The following SEMA3D variants were observed in gnomAD, a reference collection of about 807,000 sequenced individuals.
The protein encoded by SEMA3D is semaphorin 3D.
Under a neutral mutation model 100.1 loss-of-function variants are expected in SEMA3D, and 84 were observed. That is an observed-to-expected ratio of 0.84 (90% CI 0.70 to 1.01). SEMA3D has a LOEUF of 1.01. Among genes scored for constraint, SEMA3D ranks in the 50% least tolerant of loss-of-function variants. SEMA3D has a pLI of 0.00. For missense variants in SEMA3D, 875 were observed against 934.1 expected (o/e 0.94, Z 0.82); for synonymous variants, 312 against 320.7 (o/e 0.97, Z 0.29).
At chr7:85,064,127 A>C (rs1482165489) in intron 8 of SEMA3D, among the ~76,000 whole-genome samples, 1 of 152,220 alleles carries the variant, frequency 6.6e-6, no homozygotes, top group East Asian at 1.9e-4. Flanking sequence ...ATGTTACAGT[A>C]ATGGAAAAAA....
At chr7:85,215,486 C>T in the SEMA3D span, among the ~76,000 whole-genome samples, 1 of 152,022 alleles carries the variant, frequency 6.6e-6, no homozygotes, top group Admixed American at 6.6e-5. Flanking sequence ...TATGCCCTCC[C>T]CAAAACAAGA....
At chr7:85,219,865 T>C in the SEMA3D span, among the ~76,000 whole-genome samples, 1 of 152,068 alleles carries the variant, frequency 6.6e-6, no homozygotes, top group Non-Finnish European at 1.5e-5. Flanking sequence ...GTGAAGTGTT[T>C]TGAGTTATAG....
At chr7:85,222,138 T>C in the SEMA3D span, among the ~76,000 whole-genome samples, 1 of 152,272 alleles carries the variant, frequency 6.6e-6, no homozygotes, top group Admixed American at 6.6e-5. Context: ...TGAAAGTCTT[T>C]ATCTCTTGCA....
At chr7:85,034,826 TAAG>T (rs1441631797) in intron 12 of SEMA3D, among the ~76,000 whole-genome samples, 1 of 151,998 alleles carries the variant, frequency 6.6e-6, no homozygotes, top group East Asian at 1.9e-4. Flanking sequence ...AGATGAGTAT[TAAG>T]GAGGATGTGG....
chr7:85,237,346 A>G, the SEMA3D span, among the ~76,000 whole-genome samples: 1 of 152,168 alleles, frequency 6.6e-6, no homozygotes, highest in Admixed American at 6.5e-5. Context: ...CGTACATTCT[A>G]TGGATTTAGA....
intron 12 of SEMA3D, among the ~76,000 whole-genome samples, chr7:85,033,671 A>G (rs1433907030): frequency 6.6e-6 from 1 of 152,100 alleles, no homozygotes; most frequent in Non-Finnish European, 1.5e-5. Context: ...TAATTGAAAA[A>G]TAATATGGCC....
intron 8 of SEMA3D, among the ~76,000 whole-genome samples, chr7:85,057,385 T>C (rs538295090): frequency 2.2e-4 from 33 of 151,966 alleles, no homozygotes; most frequent in Admixed American, 7.2e-4. Flanking sequence ...AATTAGAAAA[T>C]ATGTGGCACC....
At chr7:85,084,441 C>G (rs1187026697) in intron 4 of SEMA3D, among the ~76,000 whole-genome samples, 1 of 152,092 alleles carries the variant, frequency 6.6e-6, no homozygotes, top group African/African-American at 2.4e-5. Context: ...AGTGATTTTA[C>G]AAAGGACAAC....
chr7:85,156,696 C>T (rs968159464), intron 1 of SEMA3D, among the ~76,000 whole-genome samples: 3 of 152,034 alleles, frequency 2.0e-5, no homozygotes, highest in Admixed American at 2.0e-4. Flanking sequence ...TCATGAAATA[C>T]AGAGGACACA....
chr7:85,073,129 G>C, intron 5 of SEMA3D, 48 bp from the exon 6 acceptor site: 1 of 1,569,422 alleles, frequency 6.4e-7, no homozygotes, highest in Non-Finnish European at 8.7e-7. Context: ...TCAGGTTTTT[G>C]AAATATTATC....
chr7:85,216,357 T>TTGTG, the SEMA3D span, among the ~76,000 whole-genome samples: 9,764 of 146,190 alleles, frequency 0.067, 598 homozygotes, highest in African/African-American at 0.17. Flanking sequence ...AATAAGAGTG[T>TTGTG]TGTGTGTGTG....
chr7:85,138,738 C>T (rs1024389484), intron 2 of SEMA3D, among the ~76,000 whole-genome samples: 2 of 150,506 alleles, frequency 1.3e-5, no homozygotes, highest in South Asian at 2.1e-4. Context: ...TAGGTATACA[C>T]GTGCCATGGT....
intron 18 of SEMA3D, among the ~76,000 whole-genome samples, chr7:85,005,897 ACTAT>A (rs1390964639): frequency 2.6e-5 from 4 of 152,048 alleles, no homozygotes; most frequent in African/African-American, 9.7e-5. Flanking sequence ...AATTACATGT[ACTAT>A]TTTAAATGTT....
chr7:85,033,603 T>C (rs1465470392), intron 12 of SEMA3D, among the ~76,000 whole-genome samples: 1 of 152,126 alleles, frequency 6.6e-6, no homozygotes, highest in Non-Finnish European at 1.5e-5. Context: ...TAATTTGTTG[T>C]TGTTGTAATT....
the SEMA3D span, among the ~76,000 whole-genome samples, chr7:85,192,305 G>A: frequency 1.3e-5 from 2 of 151,882 alleles, no homozygotes; most frequent in African/African-American, 4.8e-5. Context: ...AATGTCAAAG[G>A]CTTAAAACAA....
rs528275014 is a variant in SEMA3D, at chr7:84,999,231, T to C, written c.*209A>G. ...TATTTTTAGGATAATTCTTATACTT[T>C]GCTTGTGCAAGATTTGTTCTTGGAA... On this transcript the variant is annotated 3_prime_UTR_variant, in exon 19 of 19. Coordinates refer to ENST00000284136, the MANE Select transcript of SEMA3D (RefSeq NM_001384900.1). 12 of 564,510 alleles carry C rather than the reference T, an allele frequency of 2.1e-5. No homozygotes were observed. The highest frequency in any genetic ancestry group is 7.5e-5 in the African/African-American group (4 of 53,486). The allele number at this position is 564,510 out of a possible 1,614,324, so 35.0% of individuals were successfully genotyped here. A position where few individuals can be genotyped will look rare whatever the true frequency, so the allele number is the denominator to read the frequency against.
chr7:85,054,154 C>T lies in SEMA3D; in HGVS notation c.861+1563G>A, dbSNP rs150613922. 3.8e-3 allele frequency among the ~76,000 whole-genome samples: 581 copies of T among 152,086 alleles called. 2 individuals carry two copies. Among genetic ancestry groups the T allele is most frequent in the African/African-American group, 0.013 (557 of 41,536 alleles). ...ATATTTATACTAGGGTAAGACATTACTTTGTTACAAATACATTTCTATTAA... is the reference window on the plus strand; with the variant it reads ...ATATTTATACTAGGGTAAGACATTATTTTGTTACAAATACATTTCTATTAA... On this transcript the variant is annotated intron_variant, in intron 9 of 18. Transcript: ENST00000284136.
chr7:85,225,150 A>G, the SEMA3D span, among the ~76,000 whole-genome samples: 7 of 138,130 alleles, frequency 5.1e-5, no homozygotes, highest in African/African-American at 1.6e-4. Context: ...TATAAAATAC[A>G]TATATATAAT....
intron 13 of SEMA3D, among the ~76,000 whole-genome samples, chr7:85,021,024 AAG>A (rs1055838098): frequency 6.6e-6 from 1 of 151,468 alleles, no homozygotes; most frequent in Non-Finnish European, 1.5e-5. Flanking sequence ...AGAAAATTAA[AAG>A]AACAGTTTAG....
Sources: gnomAD v4.1 joint callset for allele counts (sites outside exome capture counted in the v4.1 genomes callset) on GRCh38, gnomAD v4.1.1 for gene constraint, MANE v1.5 for transcripts, NCBI Gene and HGNC (gene_info 2026-07-23, HGNC 2026-07-21) for gene names.